Variants in SLC1A6 observed in about 807,000 individuals in gnomAD.
SLC1A6 encodes the protein solute carrier family 1 member 6, also known as excitatory amino acid transporter 4.
A neutral mutation model predicts 42.1 loss-of-function variants in SLC1A6; 15 were observed. That is an observed-to-expected ratio of 0.36 (90% CI 0.24 to 0.55). The LOEUF (loss-of-function observed/expected upper bound fraction) is 0.55, where lower values mean the gene tolerates loss of function less well. SLC1A6 is among the 20% of genes least tolerant of loss of function. SLC1A6 has a pLI of 0.88. For missense variants in SLC1A6, 542 were observed against 772.5 expected, an observed-to-expected ratio of 0.70 and a Z score of 3.54; for synonymous variants, 317 against 319.7, an observed-to-expected ratio of 0.99 and a Z score of 0.09.
chr19:14,973,253 C>T (rs2045666124), intron 1 of SLC1A6: 1 of 273,146 alleles, frequency 3.7e-6, no homozygotes, highest in Non-Finnish European at 6.8e-6. Context: ...GAGACCTCCA[C>T]CCCTCCAAAA....
At chr19:15,008,002 G>C (rs1350129172) in intron 1 of SLC1A6, among the ~76,000 whole-genome samples, 1 of 146,238 alleles carries the variant, frequency 6.8e-6, no homozygotes, top group Non-Finnish European at 1.5e-5. Flanking sequence ...TCCAGCTTGG[G>C]AAACAAGATC....
chr19:15,010,610 A>G, exon 1 of SLC1A6: 1 of 639,014 alleles, frequency 1.6e-6, no homozygotes, highest in East Asian at 2.8e-5. Context: ...TCAAGGAGTC[A>G]GGATGCCAGT....
At chr19:14,984,076 G>A (rs1600026955), upstream of SLC1A6, among the ~76,000 whole-genome samples, 2 of 152,118 alleles carry the variant, frequency 1.3e-5, no homozygotes, top group African/African-American at 4.8e-5. Context: ...TTGGGAGGCT[G>A]AGGCGGGCGG....
intron 1 of SLC1A6, among the ~76,000 whole-genome samples, chr19:15,010,209 AAAAGAAAGAGAGAGAG>A (rs748129300): frequency 0.03 from 2,742 of 91,032 alleles, 37 homozygotes; most frequent in East Asian, 0.14. Context: ...AAAGAAAGAA[AAAAGAAAGAGAGAGAG>A]AGAAAAGAAA....
At chr19:15,001,681 G>A (rs1411924826) in intron 1 of SLC1A6, among the ~76,000 whole-genome samples, 4 of 151,992 alleles carry the variant, frequency 2.6e-5, no homozygotes, top group Non-Finnish European at 5.9e-5. Flanking sequence ...ATTTTCTTGA[G>A]ACAGGGTCTC....
intron 2 of SLC1A6, 29 bp downstream of exon 2, chr19:14,972,677 G>A: frequency 6.2e-7 from 1 of 1,600,146 alleles, no homozygotes; most frequent in Non-Finnish European, 8.6e-7. Flanking sequence ...TTTCCCTGAA[G>A]TCCCCGCCCT....
At chr19:14,957,837 CATG>C (rs1327204083) in intron 6 of SLC1A6, among the ~76,000 whole-genome samples, 2 of 152,168 alleles carry the variant, frequency 1.3e-5, no homozygotes, top group African/African-American at 4.8e-5. Flanking sequence ...CTGAGACTTG[CATG>C]ATGAGAAGGT....
Position 14,954,320 on chromosome 19 carries a change from C to T in SLC1A6, c.1179G>A (p.Thr393=), listed in dbSNP as rs1201742705. 1.9e-6 allele frequency: 3 copies of T among 1,607,322 alleles called. No homozygotes were observed. Among genetic ancestry groups the T allele is most frequent in the Non-Finnish European group, 2.5e-6 (3 of 1,179,852 alleles). ...TAMGTSSSSA[T]LPITFRCLEE... ...CCAGGCAGCGGAAGGTGATGGGCAG[C>T]GTTGCCGAGCTGGGGGAAAGAGCCC... is the stretch of plus-strand genomic sequence containing the variant. Residue 393 remains threonine, a synonymous_variant, in exon 8 of 10, where the codon ACG becomes ACA. Transcript: ENST00000594383.
chr19:14,953,171 A>T, intron 8 of SLC1A6, 109 bp from the exon 9 acceptor site: 1 of 802,718 alleles, frequency 1.2e-6, no homozygotes. Context: ...AAGGCATTTT[A>T]AATTAAATAC....
At chr19:14,986,850 G>GC (rs1274820779) in intron 1 of SLC1A6, among the ~76,000 whole-genome samples, 2 of 152,030 alleles carry the variant, frequency 1.3e-5, no homozygotes, top group Non-Finnish European at 2.9e-5. Context: ...GGAATTACAG[G>GC]CATGAGTCAC....
rs924965763 is a variant in SLC1A6, at chr19:14,962,715, C to T, written c.592-370G>A. Among the ~76,000 whole-genome samples the T allele has an allele frequency of 6.6e-5, 10 of 152,168 alleles. No homozygotes were observed. The South Asian group carries it at 1.0e-3, about 16-fold the overall frequency. Reference sequence around the variant, plus strand: ...GTCAGGAGTTTGAGACCATCCTGGCCAACATGGTGAAACCCTGTCTCTACT... The same window carrying T: ...GTCAGGAGTTTGAGACCATCCTGGCTAACATGGTGAAACCCTGTCTCTACT... On this transcript the variant is annotated intron_variant, in intron 5 of 9. Transcript: ENST00000594383.
At chr19:14,978,431 C>T (rs1454470645) in intron 1 of SLC1A6, among the ~76,000 whole-genome samples, 1 of 152,008 alleles carries the variant, frequency 6.6e-6, no homozygotes, top group Non-Finnish European at 1.5e-5. Flanking sequence ...CACACATAAC[C>T]TCGAAAACCT....
chr19:14,956,907 T>A (rs1362805338), intron 6 of SLC1A6, among the ~76,000 whole-genome samples, 198 bp from the exon 7 acceptor site: 1 of 151,972 alleles, frequency 6.6e-6, no homozygotes, highest in Non-Finnish European at 1.5e-5. Context: ...CACCTCCTCC[T>A]CCTCCTGCTC....
chr19:15,004,349 G>A (rs2045886296), intron 1 of SLC1A6, among the ~76,000 whole-genome samples: 1 of 151,994 alleles, frequency 6.6e-6, no homozygotes, highest in Admixed American at 6.6e-5. Context: ...GGGAATGAAT[G>A]TGGAAATGGT....
At chr19:14,986,918 A>T (rs1211932701) in intron 1 of SLC1A6, among the ~76,000 whole-genome samples, 1 of 152,182 alleles carries the variant, frequency 6.6e-6, no homozygotes, top group Non-Finnish European at 1.5e-5. Flanking sequence ...AATGAAGAAT[A>T]TAATGACCCC....
chr19:14,993,409 C>G (rs548604238), intron 1 of SLC1A6, among the ~76,000 whole-genome samples: 1 of 151,894 alleles, frequency 6.6e-6, no homozygotes, highest in African/African-American at 2.4e-5. Context: ...AGTCACTGAA[C>G]CGTCAACTTT....
chr19:14,990,445 G>C (rs1053967913), intron 1 of SLC1A6, among the ~76,000 whole-genome samples: 1 of 152,176 alleles, frequency 6.6e-6, no homozygotes, highest in Non-Finnish European at 1.5e-5. Flanking sequence ...GGAGATGTTG[G>C]TCAAAGGATA....
chr19:15,002,930 T>A (rs971447068), intron 1 of SLC1A6, among the ~76,000 whole-genome samples: 1 of 152,094 alleles, frequency 6.6e-6, no homozygotes, highest in African/African-American at 2.4e-5. Context: ...TTTCGGTTTG[T>A]GTTTTTCATT....
intron 1 of SLC1A6, among the ~76,000 whole-genome samples, chr19:14,996,010 C>T (rs2045844429): frequency 1.3e-5 from 2 of 152,022 alleles, no homozygotes; most frequent in South Asian, 4.2e-4. Context: ...TGCAGAAAAT[C>T]TGAAAAATGC....
Sources: allele counts gnomAD v4.1 joint callset (sites outside exome capture counted in the v4.1 genomes callset), GRCh38; gene constraint gnomAD v4.1.1; transcripts MANE v1.5; gene names NCBI Gene and HGNC (gene_info 2026-07-23, HGNC 2026-07-21).